The following MYH13 variants were observed in gnomAD, a reference collection of about 807,000 sequenced individuals.
MYH13 encodes the protein myosin-13.
Under a neutral mutation model 232.1 loss-of-function variants are expected in MYH13, and 177 were observed. That is an observed-to-expected ratio of 0.76 (90% CI 0.67 to 0.86). The LOEUF (loss-of-function observed/expected upper bound fraction) is 0.86, where lower values mean the gene tolerates loss of function less well. Among genes scored for constraint, MYH13 ranks in the 40% least tolerant of loss-of-function variants. The probability of loss-of-function intolerance (pLI) is 0.00; values close to 1 mark genes in which losing one functional copy is unlikely to be tolerated. For synonymous variants in MYH13, 884 were observed against 923.5 expected, an observed-to-expected ratio of 0.96 and a Z score of 0.78; for missense variants, 2,246 against 2,405.9, an observed-to-expected ratio of 0.93 and a Z score of 1.39.
chr17:10,322,626 AGTT>A lies in MYH13; in HGVS notation c.2935-921_2935-919del, dbSNP rs1481004322. On this transcript the variant is annotated intron_variant, in intron 23 of 40. Transcript: ENST00000252172. Reference sequence around the variant, plus strand: ...ACAATGTTATCATTTACAATGTTACAGTTGTTTTTTTTTTTTTTTTTTTTTGAG... The same window carrying A: ...ACAATGTTATCATTTACAATGTTACAGTTTTTTTTTTTTTTTTTTTTTGAG... Among the ~76,000 whole-genome samples the A allele has an allele frequency of 6.6e-4, 92 of 138,872 alleles. No homozygotes were observed. The Middle Eastern group carries it at 0.015, about 23-fold the overall frequency. The allele number at this position is 138,872 out of a possible 152,430, so 91.1% of individuals were successfully genotyped here. A position where few individuals can be genotyped will look rare whatever the true frequency, so the allele number is the denominator to read the frequency against.
chr17:10,335,808 G>A, intron 18 of MYH13, among the ~76,000 whole-genome samples: 1 of 152,092 alleles, frequency 6.6e-6, no homozygotes, highest in Non-Finnish European at 1.5e-5. Flanking sequence ...AATGGTGAAA[G>A]CAGGCATGAT....
At chr17:10,301,205 C>T (rs766652913) in intron 40 of MYH13, among the ~76,000 whole-genome samples, 3 of 152,204 alleles carry the variant, frequency 2.0e-5, no homozygotes, top group Non-Finnish European at 4.4e-5. Context: ...ACAGGGATGA[C>T]AGTGTCGTGC....
Position 10,354,742 on chromosome 17 carries a change from C to G in MYH13, c.943G>C (p.Val315Leu), listed in dbSNP as rs374884438. The G allele has an allele frequency of 3.1e-6, 5 of 1,613,736 alleles. No individual in the cohort carries two copies. In the African/African-American group the frequency reaches 6.7e-5, roughly 22 times the overall value. The change falls in exon 11 of 41, where the codon GTG (valine) becomes CTG (leucine). Residue 315 changes from valine (V) to leucine (L), a missense_variant. Coordinates refer to ENST00000252172, the MANE Select transcript of MYH13 (RefSeq NM_003802.3). The stretch of plus-strand genomic sequence containing the variant: ...GCTACCGTGACCTCTCCTTGGCTCA[C>G]GAAGGGGAAGTCGAAGGGGTTGGTG... ...ISTNPFDFPF[V>L]SQGEVTVASI... is the part of the protein sequence containing the mutation.
intron 2 of MYH13, among the ~76,000 whole-genome samples, chr17:10,371,008 T>C (rs761684058): frequency 6.6e-6 from 1 of 152,228 alleles, no homozygotes; most frequent in Non-Finnish European, 1.5e-5. Flanking sequence ...CATTTCAGTG[T>C]AATGAGCAAA....
At chr17:10,359,360 A>C (rs557757465) in intron 7 of MYH13, among the ~76,000 whole-genome samples, 5 of 152,314 alleles carry the variant, frequency 3.3e-5, no homozygotes, top group African/African-American at 1.2e-4. Context: ...GGCTTCAGAG[A>C]GGTTCCAGGT....
At chr17:10,360,567 G>A (rs551134737) in intron 5 of MYH13, among the ~76,000 whole-genome samples, 31 of 152,246 alleles carry the variant, frequency 2.0e-4, no homozygotes, top group African/African-American at 7.5e-4. Flanking sequence ...TATAGATGCT[G>A]GTTGGTTTCA....
intron 1 of MYH13, among the ~76,000 whole-genome samples, chr17:10,372,392 A>C (rs2071883523): frequency 6.6e-6 from 1 of 152,194 alleles, no homozygotes; most frequent in Non-Finnish European, 1.5e-5. Context: ...CTGAATTCAA[A>C]GTATCACAAA....
chr17:10,331,021 CAAAA>C (rs1254155257), intron 20 of MYH13, among the ~76,000 whole-genome samples: 3 of 151,784 alleles, frequency 2.0e-5, no homozygotes, highest in African/African-American at 7.3e-5. Flanking sequence ...TGTCTCAAAA[CAAAA>C]CAAACAAACA....
At chr17:10,355,558 T>G (rs1340074811) in intron 8 of MYH13, among the ~76,000 whole-genome samples, 1 of 152,174 alleles carries the variant, frequency 6.6e-6, no homozygotes, top group Non-Finnish European at 1.5e-5. Flanking sequence ...TCTCCTTGGC[T>G]CAGAAGGAAG....
At chr17:10,312,325 T>C (rs1906536606) in intron 31 of MYH13, among the ~76,000 whole-genome samples, 1 of 152,112 alleles carries the variant, frequency 6.6e-6, no homozygotes, top group Non-Finnish European at 1.5e-5. Context: ...TAAAATTGCC[T>C]TTGGAGGGAC....
intron 27 of MYH13, 126 bp downstream of exon 27, chr17:10,318,664 G>A: frequency 1.6e-6 from 2 of 1,279,150 alleles, no homozygotes; most frequent in Non-Finnish European, 1.1e-6. Flanking sequence ...GAAACAGGCA[G>A]AAATAGGGAA....
rs56798899 is a variant in MYH13, at chr17:10,366,381, G to GTTTTTTT, written c.-12-1846_-12-1840dup. On this transcript the variant is annotated intron_variant, in intron 2 of 40. Coordinates refer to ENST00000252172, the MANE Select transcript of MYH13 (RefSeq NM_003802.3). ...CATATCTCTCTTAAGAAATAAATCT[G>GTTTTTTT]TTTTTTTTTTTTTTTTTGAGATGGA... 2.0e-3 allele frequency among the ~76,000 whole-genome samples: 230 copies of GTTTTTTT among 112,604 alleles called. 17 individuals carry two copies. Among genetic ancestry groups the GTTTTTTT allele is most frequent in the African/African-American group, 6.7e-3 (208 of 30,906 alleles). 73.9% of individuals were successfully genotyped at this position (112,604 alleles called of 152,430 possible).
Position 10,328,077 on chromosome 17 carries a change from T to G in MYH13, c.2480A>C (p.Asn827Thr). 1 of 1,614,102 alleles carries G rather than the reference T, an allele frequency of 6.2e-7. No individual in the cohort carries two copies. Among genetic ancestry groups the G allele is most frequent in the Non-Finnish European group, 8.5e-7 (1 of 1,180,010 alleles). The change falls in exon 22 of 41, where the codon AAC becomes ACC. Residue 827 changes from asparagine (N) to threonine (T), a missense_variant. Transcript: ENST00000252172. Reference protein sequence around the residue: ...CIQYNIRSFMNVKHWPWMNLF... With the variant: ...CIQYNIRSFMTVKHWPWMNLF... ...GTTCATCCAGGGCCAGTGCTTGACG[T>G]TCATAAAAGAGCGGATGTTGTACTG...
At position 10,315,802 on chromosome 17, in the gene MYH13, C is replaced by T. The variant is rs1906685657; in HGVS notation, c.3875G>A (p.Ser1292Asn). 3 of 1,613,988 alleles carry T rather than the reference C, an allele frequency of 1.9e-6. No homozygotes were observed. In the East Asian group the frequency reaches 6.7e-5, roughly 36 times the overall value. ...ARLQTQNGEL[S>N]HRVEEKESLI... is the part of the protein sequence containing the mutation. ...AGACTCCTTCTCTTCCACTCGGTGGCTCAGCTCCCCTACCAAACAGATGTG... is the reference window on the plus strand; with the variant it reads ...AGACTCCTTCTCTTCCACTCGGTGGTTCAGCTCCCCTACCAAACAGATGTG... Residue 1292 changes from serine (S) to asparagine (N), a missense_variant, in exon 29 of 41, where the codon AGC (serine) becomes AAC (asparagine). By Grantham distance (46) the Ser-to-Asn change is conservative. Transcript: ENST00000252172.
Position 10,309,784 on chromosome 17 carries a change from T to C in MYH13, c.4703A>G (p.Glu1568Gly), listed in dbSNP as rs756634855. The change falls in exon 34 of 41, where the codon GAG (glutamate) becomes GGG (glycine). Residue 1568 changes from glutamate to glycine, a missense_variant. Glu to Gly is a moderately conservative substitution (Grantham distance 98). Transcript: ENST00000252172. ...EESKILRVQL[E>G]LSQVKSELDR... ...TAGCTCGGATTTCACCTGGCTCAGC[T>C]CTAGCTGCACGCGCAAGATCTTGCT... 7 of 1,598,880 alleles carry C rather than the reference T, an allele frequency of 4.4e-6. 1 individual carries two copies. In the South Asian group the frequency reaches 7.9e-5, roughly 18 times the overall value.
chr17:10,334,416 AAATT>A (rs1001941138), intron 18 of MYH13, among the ~76,000 whole-genome samples: 5 of 152,330 alleles, frequency 3.3e-5, no homozygotes, highest in African/African-American at 9.6e-5. Context: ...TTAAAATTAA[AAATT>A]AATTAACATT....
intron 22 of MYH13, among the ~76,000 whole-genome samples, chr17:10,326,943 G>A (rs1177699381): frequency 8.2e-5 from 10 of 122,360 alleles, no homozygotes; most frequent in African/African-American, 3.1e-4. Context: ...AGCCTTCTGA[G>A]TATCTTGGAC....
At chr17:10,339,345 T>A (rs2071603154) in intron 18 of MYH13, among the ~76,000 whole-genome samples, 1 of 152,214 alleles carries the variant, frequency 6.6e-6, no homozygotes, top group Non-Finnish European at 1.5e-5. Context: ...GGGTTCTATA[T>A]TTATATATAG....
intron 11 of MYH13, among the ~76,000 whole-genome samples, chr17:10,350,991 G>A (rs909361069): frequency 4.6e-5 from 7 of 151,864 alleles, no homozygotes; most frequent in Non-Finnish European, 7.4e-5. Context: ...AGAGGCCAGG[G>A]CAGGCAGATT....
Sources: gnomAD v4.1 joint callset for allele counts (sites outside exome capture counted in the v4.1 genomes callset) on GRCh38, gnomAD v4.1.1 for gene constraint, MANE v1.5 for transcripts, NCBI Gene and HGNC (gene_info 2026-07-23, HGNC 2026-07-21) for gene names.